The following IGF2BP2 variants were observed in gnomAD, a reference collection of about 807,000 sequenced individuals.
IGF2BP2 encodes the protein insulin-like growth factor 2 mRNA-binding protein 2.
In IGF2BP2, 17 loss-of-function variants were observed where a neutral mutation model predicts 75.8. The observed-to-expected ratio is 0.22, with a 90% confidence interval of 0.15 to 0.34. IGF2BP2 has a LOEUF of 0.34. IGF2BP2 is among the 10% of genes least tolerant of loss of function. The pLI, the probability that IGF2BP2 is intolerant of heterozygous loss-of-function variation, is 1.00. For missense variants in IGF2BP2, 516 were observed against 772.4 expected (o/e 0.67, Z 3.93); for synonymous variants, 288 against 295.6 (o/e 0.97, Z 0.26).
At chr3:185,779,701 C>G (rs917689797) in intron 2 of IGF2BP2, among the ~76,000 whole-genome samples, 5 of 152,240 alleles carry the variant, frequency 3.3e-5, no homozygotes, top group Admixed American at 6.5e-5. Flanking sequence ...AGTCTGCACG[C>G]TAAGGTTTAC....
At position 185,751,980 on chromosome 3, in the gene IGF2BP2, T is replaced by C. The variant is rs1731033624; in HGVS notation, c.240-53633A>G. On this transcript the variant is annotated intron_variant, in intron 2 of 15. Coordinates refer to ENST00000382199, the MANE Select transcript of IGF2BP2 (RefSeq NM_006548.6). ...CTGTCTCAAAAAATAATAATAATAA[T>C]AACAATAATAATCTGATGAATGCTA... 2.6e-5 allele frequency among the ~76,000 whole-genome samples: 4 copies of C among 152,160 alleles called. No individual in the cohort carries two copies. In the South Asian group the frequency reaches 8.3e-4, roughly 32 times the overall value.
intron 13 of IGF2BP2, 33 bp from the exon 14 acceptor site, chr3:185,649,567 G>A: frequency 6.2e-7 from 1 of 1,612,834 alleles, no homozygotes. Flanking sequence ...ATGACTCTCA[G>A]TCAGCCAGCA....
At chr3:185,729,053 G>A (rs993287397) in intron 2 of IGF2BP2, among the ~76,000 whole-genome samples, 3 of 152,144 alleles carry the variant, frequency 2.0e-5, no homozygotes, top group African/African-American at 4.8e-5. Context: ...GTGGAGGAGG[G>A]AAAGCCAGCT....
intron 12 of IGF2BP2, among the ~76,000 whole-genome samples, chr3:185,652,890 C>A (rs1344926563): frequency 6.6e-6 from 1 of 152,296 alleles, no homozygotes; most frequent in Middle Eastern, 3.4e-3. Context: ...CAGCTCACTA[C>A]AACCTCTACC....
chr3:185,820,218 A>G (rs73063010), intron 2 of IGF2BP2, among the ~76,000 whole-genome samples: 49,327 of 143,626 alleles, frequency 0.34, 9,319 homozygotes, highest in African/African-American at 0.56. Context: ...GTGTGTGTGT[A>G]TGTGTATATA....
intron 10 of IGF2BP2, among the ~76,000 whole-genome samples, chr3:185,660,041 G>A (rs201440561): frequency 4.6e-5 from 7 of 152,154 alleles, no homozygotes; most frequent in East Asian, 1.9e-4. Context: ...TGATCCACCC[G>A]CCTCAGCCTC....
intron 2 of IGF2BP2, among the ~76,000 whole-genome samples, chr3:185,762,701 T>A (rs1246435290): frequency 1.3e-5 from 2 of 152,122 alleles, no homozygotes; most frequent in African/African-American, 2.4e-5. Context: ...CTGGCTGCAG[T>A]CTACTTCAGT....
At chr3:185,806,675 G>C (rs912233874) in intron 2 of IGF2BP2, among the ~76,000 whole-genome samples, 1 of 152,170 alleles carries the variant, frequency 6.6e-6, no homozygotes, top group African/African-American at 2.4e-5. Context: ...GCCTAAGTTT[G>C]GCAAAATGCT....
At chr3:185,766,438 A>G (rs375208677) in intron 2 of IGF2BP2, among the ~76,000 whole-genome samples, 132 of 152,156 alleles carry the variant, frequency 8.7e-4, no homozygotes, top group East Asian at 6.4e-3. Flanking sequence ...CTTTTTTTAA[A>G]TGGTTGGAAA....
At chr3:185,758,600 G>C (rs1731941026) in intron 2 of IGF2BP2, among the ~76,000 whole-genome samples, 2 of 152,230 alleles carry the variant, frequency 1.3e-5, no homozygotes, top group Non-Finnish European at 2.9e-5. Flanking sequence ...AGTGATATCT[G>C]TAATGTTGGG....
In IGF2BP2 at chr3:185,687,073, CCT is replaced by C; in HGVS notation, c.794_795del (p.Glu265GlyfsTer3). On this transcript the variant is annotated frameshift_variant, in exon 7 of 16. Coordinates refer to ENST00000382199, the MANE Select transcript of IGF2BP2 (RefSeq NM_006548.6). ...CRMILEIMQK[E>X]ADETKLAEEI... ...CAAACTTACAGTTTGGTCTCATCTGCCTCTTTCTGCATGATTTCAAGAATCAT... is the reference window on the plus strand; with the variant it reads ...CAAACTTACAGTTTGGTCTCATCTGCCTTTCTGCATGATTTCAAGAATCAT... 6.2e-7 allele frequency: 1 copy of C among 1,612,948 alleles called. No individual in the cohort carries two copies. Among genetic ancestry groups the C allele is most frequent in the Non-Finnish European group, 8.5e-7 (1 of 1,179,842 alleles).
At chr3:185,689,268 A>G in intron 6 of IGF2BP2, 87 bp downstream of exon 6, 2 of 1,395,114 alleles carry the variant, frequency 1.4e-6, no homozygotes, top group Non-Finnish European at 9.8e-7. Context: ...TGCTGATGTA[A>G]GCAATTGTGA....
chr3:185,786,465 A>G (rs1735903885), intron 2 of IGF2BP2, among the ~76,000 whole-genome samples: 1 of 152,042 alleles, frequency 6.6e-6, no homozygotes, highest in Non-Finnish European at 1.5e-5. Context: ...TTCCTGCCCC[A>G]CCTTAACTGA....
Position 185,696,396 on chromosome 3 carries a change from C to T in IGF2BP2, c.340+216G>A, listed in dbSNP as rs561478105. 2.2e-5 allele frequency: 12 copies of T among 546,276 alleles called. No homozygotes were observed. The South Asian group carries it at 2.5e-4, about 11-fold the overall frequency. 33.8% of individuals were successfully genotyped at this position (546,276 alleles called of 1,614,324 possible). ...TGAGAAACAGCTTGTAAATAATATT[C>T]CTCGAAAAGGCAAACTACATAGACA... On this transcript the variant is annotated intron_variant, in intron 4 of 15. Transcript: ENST00000382199.
chr3:185,652,297 T>C, intron 12 of IGF2BP2, 129 bp from the exon 13 acceptor site: 1 of 700,072 alleles, frequency 1.4e-6, no homozygotes, highest in East Asian at 2.8e-5. Context: ...CCCCTGGTTC[T>C]GTCTGATGCC....
intron 2 of IGF2BP2, among the ~76,000 whole-genome samples, chr3:185,700,006 G>T (rs948677349): frequency 1.3e-5 from 2 of 152,086 alleles, no homozygotes; most frequent in Admixed American, 1.3e-4. Flanking sequence ...TGTTAGAGAC[G>T]TTGTTTTAAT....
At chr3:185,701,957 G>C (rs1271479407) in intron 2 of IGF2BP2, among the ~76,000 whole-genome samples, 1 of 152,120 alleles carries the variant, frequency 6.6e-6, no homozygotes, top group Non-Finnish European at 1.5e-5. Flanking sequence ...CAGGAGGCCT[G>C]TCCCCTCCTT....
chr3:185,681,914 C>CA (rs955620868), intron 7 of IGF2BP2, among the ~76,000 whole-genome samples: 3 of 152,164 alleles, frequency 2.0e-5, no homozygotes, highest in African/African-American at 4.8e-5. Flanking sequence ...AAGATTAACT[C>CA]AAAATAGGTT....
intron 2 of IGF2BP2, among the ~76,000 whole-genome samples, chr3:185,700,740 CAG>C (rs766414924): frequency 3.9e-5 from 6 of 151,996 alleles, no homozygotes; most frequent in Non-Finnish European, 8.8e-5. Flanking sequence ...CGAATGAGCA[CAG>C]AGAGATGTGA....
Sources: gnomAD v4.1 joint callset for allele counts (sites outside exome capture counted in the v4.1 genomes callset) on GRCh38, gnomAD v4.1.1 for gene constraint, MANE v1.5 for transcripts, NCBI Gene and HGNC (gene_info 2026-07-23, HGNC 2026-07-21) for gene names.